SLC39A11: variants seen among roughly 807,000 people sequenced by gnomAD.
The protein encoded by SLC39A11 is solute carrier family 39 member 11.
SLC39A11 carries 33 observed loss-of-function variants against 36.1 expected under a neutral mutation model. That is an observed-to-expected ratio of 0.91 (90% CI 0.69 to 1.22). The LOEUF is 1.22. SLC39A11 is among the 50% of genes most tolerant of loss of function. SLC39A11 has a pLI of 0.00. For synonymous variants in SLC39A11, 166 were observed against 170.3 expected (o/e 0.97, Z 0.20); for missense variants, 432 against 430.3 (o/e 1.00, Z -0.03).
chr17:72,948,156 T>C (rs986764809), intron 4 of SLC39A11, among the ~76,000 whole-genome samples: 5 of 152,050 alleles, frequency 3.3e-5, no homozygotes, highest in East Asian at 1.9e-4. Context: ...CCAGGAAAGA[T>C]TGGGACCCAA....
Position 73,073,885 on chromosome 17 carries a change from G to A in SLC39A11, c.147+10923C>T, listed in dbSNP as rs143702485. The A allele has an allele frequency of 4.6e-5, 7 of 152,224 alleles. No individual in the cohort carries two copies. The East Asian group carries it at 1.4e-3, about 30-fold the overall frequency. 9.4% of individuals were successfully genotyped at this position (152,224 alleles called of 1,614,324 possible). On this transcript the variant is annotated intron_variant, in intron 3 of 9. Transcript: ENST00000255559. The stretch of plus-strand genomic sequence containing the variant: ...AGTGACAGCAATGATCTTTGCAGGA[G>A]CCTCCTCAGAGTCCATGAGCCTATT...
chr17:72,935,467 T>A (rs2084684635), intron 5 of SLC39A11, among the ~76,000 whole-genome samples: 1 of 152,200 alleles, frequency 6.6e-6, no homozygotes. Flanking sequence ...TGGTGATGGT[T>A]ACAGATCTGT....
At chr17:72,933,616 T>C (rs2084561045) in intron 5 of SLC39A11, among the ~76,000 whole-genome samples, 1 of 151,864 alleles carries the variant, frequency 6.6e-6, no homozygotes, top group African/African-American at 2.4e-5. Flanking sequence ...GCCTCCCGGG[T>C]TCAAGCGATT....
At chr17:72,864,312 T>TG (rs1465785126) in intron 5 of SLC39A11, among the ~76,000 whole-genome samples, 4 of 151,368 alleles carry the variant, frequency 2.6e-5, no homozygotes, top group African/African-American at 9.7e-5. Flanking sequence ...GCATCGGCTT[T>TG]TTTTTTTTTT....
intron 6 of SLC39A11, among the ~76,000 whole-genome samples, chr17:72,752,408 C>G (rs949045654): frequency 1.3e-5 from 2 of 151,974 alleles, no homozygotes; most frequent in African/African-American, 4.8e-5. Context: ...CCACGCCCAG[C>G]TAACTTTAGT....
In SLC39A11 at chr17:72,902,107, A is replaced by C. The variant is rs189124199; in HGVS notation, c.430+45645T>G. Reference sequence around the variant, plus strand: ...GCCAACATGGTAAAACCCCGTCTCTACTAAAAATACAAAATTAGCCAGGCG... The same window carrying C: ...GCCAACATGGTAAAACCCCGTCTCTCCTAAAAATACAAAATTAGCCAGGCG... On this transcript the variant is annotated intron_variant, in intron 5 of 9. Coordinates refer to ENST00000255559, the MANE Select transcript of SLC39A11 (RefSeq NM_139177.4). Among the ~76,000 whole-genome samples the C allele has an allele frequency of 1.7e-4, 26 of 152,242 alleles. 1 individual carries two copies. In the East Asian group the frequency reaches 4.6e-3, roughly 27 times the overall value.
At chr17:72,697,040 A>C (rs1472625353) in intron 7 of SLC39A11, among the ~76,000 whole-genome samples, 1 of 152,122 alleles carries the variant, frequency 6.6e-6, no homozygotes, top group Non-Finnish European at 1.5e-5. Flanking sequence ...ATAACACCAG[A>C]CGTTTCATTT....
chr17:72,754,212 A>G (rs1334061633), intron 6 of SLC39A11, among the ~76,000 whole-genome samples: 1 of 151,926 alleles, frequency 6.6e-6, no homozygotes, highest in African/African-American at 2.4e-5. Context: ...ACCAAACATC[A>G]TATGTTCTCA....
chr17:72,796,264 C>T (rs1206307847), intron 6 of SLC39A11, among the ~76,000 whole-genome samples: 2 of 152,096 alleles, frequency 1.3e-5, no homozygotes, highest in Non-Finnish European at 2.9e-5. Context: ...CTTTATCAAG[C>T]GAGGCTTCTC....
At chr17:73,043,934 A>T (rs2059188743) in intron 3 of SLC39A11, among the ~76,000 whole-genome samples, 1 of 152,184 alleles carries the variant, frequency 6.6e-6, no homozygotes. Flanking sequence ...TTTTATCAAG[A>T]AGCCTTCATA....
Position 72,787,499 on chromosome 17 carries a change from C to T in SLC39A11, c.602-50780G>A, listed in dbSNP as rs556834675. On this transcript the variant is annotated intron_variant, in intron 6 of 9. Transcript: ENST00000255559. Reference sequence around the variant, plus strand: ...GTCTCGATCTCCTGACCTCATGATCCGCCTGCCTTGGCCTCCCAAAGTGCT... The same window carrying T: ...GTCTCGATCTCCTGACCTCATGATCTGCCTGCCTTGGCCTCCCAAAGTGCT... Among the ~76,000 whole-genome samples the T allele has an allele frequency of 7.3e-5, 11 of 151,526 alleles. No individual in the cohort carries two copies. The South Asian group carries it at 1.5e-3, about 20-fold the overall frequency.
chr17:72,759,784 T>C (rs2075503641), intron 6 of SLC39A11, among the ~76,000 whole-genome samples: 1 of 152,048 alleles, frequency 6.6e-6, no homozygotes, highest in South Asian at 2.1e-4. Flanking sequence ...AACATTTAGC[T>C]CAGATCTAGT....
chr17:73,085,342 A>G (rs1259059042), intron 2 of SLC39A11, among the ~76,000 whole-genome samples: 1 of 119,932 alleles, frequency 8.3e-6, no homozygotes, highest in Non-Finnish European at 1.7e-5. Flanking sequence ...CCCCATCTCT[A>G]CTAAAAATAC....
intron 4 of SLC39A11, among the ~76,000 whole-genome samples, chr17:72,952,308 G>A (rs996473932): frequency 1.3e-5 from 2 of 152,204 alleles, no homozygotes; most frequent in African/African-American, 4.8e-5. Flanking sequence ...TATTGATAGG[G>A]AAGAGGAATA....
intron 7 of SLC39A11, among the ~76,000 whole-genome samples, chr17:72,676,102 A>ACACACACT (rs869131230): frequency 0.014 from 2,133 of 151,094 alleles, 31 homozygotes; most frequent in Admixed American, 0.024. Context: ...ACACACACAC[A>ACACACACT]CTTGCTGTAT....
intron 5 of SLC39A11, among the ~76,000 whole-genome samples, chr17:72,901,074 G>A (rs1412301731): frequency 6.6e-6 from 1 of 152,168 alleles, no homozygotes; most frequent in Admixed American, 6.5e-5. Flanking sequence ...CAGAATATCA[G>A]CAATGCTGTT....
intron 6 of SLC39A11, among the ~76,000 whole-genome samples, chr17:72,811,760 A>G (rs896490770): frequency 6.6e-6 from 1 of 152,212 alleles, no homozygotes; most frequent in Non-Finnish European, 1.5e-5. Context: ...TAACAAAAAT[A>G]TTCTCTTTCC....
intron 6 of SLC39A11, among the ~76,000 whole-genome samples, chr17:72,809,475 C>A (rs995963037): frequency 6.6e-6 from 1 of 152,120 alleles, no homozygotes; most frequent in African/African-American, 2.4e-5. Context: ...AGGGTTTATG[C>A]AGGACATTTC....
chr17:72,673,929 G>A (rs533749552), intron 7 of SLC39A11, among the ~76,000 whole-genome samples: 77 of 152,186 alleles, frequency 5.1e-4, no homozygotes, highest in Non-Finnish European at 9.6e-4. Flanking sequence ...TTAGCCAGGC[G>A]TGGTAGCATG....
Sources: allele counts gnomAD v4.1 joint callset (sites outside exome capture counted in the v4.1 genomes callset), GRCh38; gene constraint gnomAD v4.1.1; transcripts MANE v1.5; gene names NCBI Gene and HGNC (gene_info 2026-07-23, HGNC 2026-07-21).